The following MAP4 variants were observed in gnomAD, a reference collection of about 807,000 sequenced individuals.
The protein encoded by MAP4 is microtubule associated protein 4.
In MAP4, 76 loss-of-function variants were observed where a neutral mutation model predicts 170.2. The observed-to-expected ratio is 0.45, with a 90% CI of 0.37 to 0.54. MAP4 has a LOEUF of 0.54. Among genes scored for constraint, MAP4 ranks in the 20% least tolerant of loss-of-function variants. MAP4 has a pLI of 0.00. For missense variants in MAP4, 2,506 were observed against 2,748.0 expected (o/e 0.91, Z 1.97); for synonymous variants, 909 against 994.5 (o/e 0.91, Z 1.62).
At chr3:47,969,648 T>C (rs1049780874) in intron 3 of MAP4, among the ~76,000 whole-genome samples, 3 of 152,180 alleles carry the variant, frequency 2.0e-5, no homozygotes, top group Admixed American at 1.3e-4. Flanking sequence ...CAGCTGCACA[T>C]AGGTGTGATT....
At chr3:48,043,160 G>A (rs1157992218) in intron 1 of MAP4, among the ~76,000 whole-genome samples, 1 of 152,162 alleles carries the variant, frequency 6.6e-6, no homozygotes, top group Admixed American at 6.5e-5. Flanking sequence ...GAGTACAATG[G>A]CATGATCTTG....
intron 16 of MAP4, 106 bp from the exon 17 acceptor site, chr3:47,867,444 GTGT>G (rs1174388984): frequency 3.9e-6 from 3 of 767,516 alleles, no homozygotes; most frequent in Admixed American, 2.2e-5. Flanking sequence ...CCAACAAAAA[GTGT>G]TGTTAAACCT....
chr3:47,991,695 G>A (rs1047200343), intron 2 of MAP4, among the ~76,000 whole-genome samples: 1 of 150,378 alleles, frequency 6.6e-6, no homozygotes, highest in Non-Finnish European at 1.5e-5. Flanking sequence ...ACGGAATTTC[G>A]CTCTTGTTGC....
intron 6 of MAP4, among the ~76,000 whole-genome samples, chr3:47,917,947 C>G (rs1170342588): frequency 6.6e-6 from 1 of 152,114 alleles, no homozygotes; most frequent in Admixed American, 6.5e-5. Flanking sequence ...TCTCCTGTCT[C>G]AGCCTCCCTA....
chr3:48,006,486 T>C lies in MAP4; in HGVS notation c.-19-7607A>G, dbSNP rs564005449. Reference sequence around the variant, plus strand: ...TGGGCCCAGTGGGTCCCTGGACTCATCCTGTGGTCATTACCCCAGTGCCAG... The same window carrying C: ...TGGGCCCAGTGGGTCCCTGGACTCACCCTGTGGTCATTACCCCAGTGCCAG... On this transcript the variant is annotated intron_variant, in intron 1 of 20. Transcript: ENST00000683076. 1.6e-3 allele frequency among the ~76,000 whole-genome samples: 247 copies of C among 152,258 alleles called. 1 individual carries two copies. Among genetic ancestry groups the C allele is most frequent in the Middle Eastern group, 6.8e-3 (2 of 294 alleles).
intron 10 of MAP4, among the ~76,000 whole-genome samples, chr3:47,893,044 A>AC (rs1553765981): frequency 3.3e-5 from 5 of 151,354 alleles, no homozygotes; most frequent in Non-Finnish European, 7.4e-5. Flanking sequence ...AAAAAAAAAA[A>AC]CCACACCTTA....
chr3:47,978,070 A>G, intron 2 of MAP4, 137 bp from the exon 3 acceptor site: 1 of 587,126 alleles, frequency 1.7e-6, no homozygotes. Flanking sequence ...TCAAAATTTA[A>G]ACATTTAACA....
At chr3:47,987,473 A>T (rs1352428951) in intron 2 of MAP4, 1 of 1,356,342 alleles carries the variant, frequency 7.4e-7, no homozygotes, top group Admixed American at 2.5e-5. Flanking sequence ...AATGTTCTGG[A>T]AAGTTACATC....
Position 47,869,253 on chromosome 3 carries a change from G to A in MAP4, c.6369C>T (p.Ala2123=), listed in dbSNP as rs191007398. 1,958 of 1,614,116 alleles carry A rather than the reference G, an allele frequency of 1.2e-3. 1 individual carries two copies. The highest frequency in any genetic ancestry group is 2.1e-3 in the Admixed American group (128 of 60,024). ...GTTTCTGTGCACTTGCAATTGGGCC[G>A]GCTGTTTTAGTGACTGCATTAGATT... The part of the protein sequence containing the change: ...KPESNAVTKT[A]GPIASAQKQP... Residue 2123 remains alanine, a synonymous_variant, in exon 16 of 21, where the codon GCC becomes GCT. Transcript: ENST00000683076.
chr3:47,891,271 G>A (rs2100023773), intron 10 of MAP4: 1 of 1,536,308 alleles, frequency 6.5e-7, no homozygotes, highest in African/African-American at 1.4e-5. Flanking sequence ...TCTTCCCAGA[G>A]TTGCTGCTGC....
At chr3:47,971,287 G>A (rs1042932207) in intron 3 of MAP4, among the ~76,000 whole-genome samples, 1 of 152,214 alleles carries the variant, frequency 6.6e-6, no homozygotes, top group East Asian at 1.9e-4. Flanking sequence ...TGTGAGTTAT[G>A]ATGCCAATTT....
intron 17 of MAP4, among the ~76,000 whole-genome samples, chr3:47,864,405 G>A (rs189598214): frequency 1.1e-3 from 162 of 152,060 alleles, no homozygotes; most frequent in Non-Finnish European, 1.7e-3. Flanking sequence ...GCCCAGGTGC[G>A]GTGGCTCATG....
In MAP4 at chr3:48,006,053, G is replaced by A. The variant is rs138934292; in HGVS notation, c.-19-7174C>T. ...ATCACGGTATTCCTAGAAGTGAAACGGACAGGAAGCCTACTGCATTCCCAC... is the reference window on the plus strand; with the variant it reads ...ATCACGGTATTCCTAGAAGTGAAACAGACAGGAAGCCTACTGCATTCCCAC... On this transcript the variant is annotated intron_variant, in intron 1 of 20. Coordinates refer to ENST00000683076, the MANE Select transcript of MAP4 (RefSeq NM_001385682.1). Among the ~76,000 whole-genome samples, 221 of 152,236 alleles carry A rather than the reference G, an allele frequency of 1.5e-3. 1 individual carries two copies. The highest frequency in any genetic ancestry group is 5.1e-3 in the African/African-American group (212 of 41,546).
intron 3 of MAP4, among the ~76,000 whole-genome samples, chr3:47,944,308 TCAAAAA>T (rs1042210329): frequency 1.3e-5 from 2 of 152,102 alleles, no homozygotes; most frequent in East Asian, 3.9e-4. Context: ...AAACTCTGTC[TCAAAAA>T]CAAAAACAAA....
At chr3:47,946,083 C>T (rs982368880) in intron 3 of MAP4, among the ~76,000 whole-genome samples, 20 of 151,340 alleles carry the variant, frequency 1.3e-4, no homozygotes, top group South Asian at 6.3e-4. Context: ...TACAGGCGCC[C>T]GCCACCATGC....
chr3:47,894,484 G>A (rs2100025740), intron 10 of MAP4, among the ~76,000 whole-genome samples: 1 of 152,160 alleles, frequency 6.6e-6, no homozygotes, highest in Non-Finnish European at 1.5e-5. Flanking sequence ...TCAGGAGGCT[G>A]AGGCAGGAGA....
In MAP4 at chr3:47,855,409, T is replaced by C; in HGVS notation, c.6584-49A>G. ...ACCTAGGGTGGCAGAGGAATATCCC[T>C]GCAGGCAAAACCAGGACTAGCGATA... On this transcript the variant is annotated intron_variant, in intron 18 of 20. Coordinates refer to ENST00000683076, the MANE Select transcript of MAP4 (RefSeq NM_001385682.1). This position sits in a 1 kb window ranked among gnomAD's most constrained non-coding sequence, Gnocchi z 5.1. The C allele has an allele frequency of 8.6e-7, 1 of 1,169,474 alleles. No homozygotes were observed. The highest frequency in any genetic ancestry group is 1.3e-6 in the Non-Finnish European group (1 of 774,282). 72.4% of individuals were successfully genotyped at this position (1,169,474 alleles called of 1,614,324 possible). A position where few individuals can be genotyped will look rare whatever the true frequency, so the allele number is the denominator to read the frequency against.
intron 1 of MAP4, among the ~76,000 whole-genome samples, chr3:48,059,156 T>C (rs2100133819): frequency 6.6e-6 from 1 of 152,120 alleles, no homozygotes; most frequent in South Asian, 2.1e-4. Context: ...AAAAACACTT[T>C]GTGATTGAAT....
intron 3 of MAP4, among the ~76,000 whole-genome samples, chr3:47,956,184 A>C (rs2100067704): frequency 6.6e-6 from 1 of 152,146 alleles, no homozygotes; most frequent in African/African-American, 2.4e-5. Flanking sequence ...TAAAAAAAAA[A>C]ATTCAAGCAG....
Sources: gnomAD v4.1 joint callset for allele counts (sites outside exome capture counted in the v4.1 genomes callset) on GRCh38, gnomAD v4.1.1 for gene constraint, Gnocchi (gnomAD v3.1) non-coding constraint, MANE v1.5 for transcripts, NCBI Gene and HGNC (gene_info 2026-07-23, HGNC 2026-07-21) for gene names.